CREB3L2: variants seen among roughly 807,000 people sequenced by gnomAD.
CREB3L2 encodes the protein cyclic AMP-responsive element-binding protein 3-like protein 2.
Under a neutral mutation model 57.2 loss-of-function variants are expected in CREB3L2, and 23 were observed. That is an observed-to-expected ratio of 0.40 (90% confidence interval 0.29 to 0.57). CREB3L2 has a LOEUF of 0.57. Ranked by LOEUF, CREB3L2 falls within the 20% of genes least tolerant of loss-of-function variation. The probability of loss-of-function intolerance (pLI) is 0.42; values close to 1 mark genes in which losing one functional copy is unlikely to be tolerated. For synonymous variants in CREB3L2, 268 were observed against 265.1 expected (o/e 1.01, Z -0.11); for missense variants, 628 against 634.7 (o/e 0.99, Z 0.11).
intron 2 of CREB3L2, among the ~76,000 whole-genome samples, chr7:137,927,274 A>AGG (rs1554498587): frequency 4.5e-5 from 6 of 133,036 alleles, no homozygotes; most frequent in South Asian, 2.3e-4. Context: ...AAAGGAAAGG[A>AGG]AAGGAGGAAG....
chr7:137,972,712 A>AATATATAT, intron 1 of CREB3L2, among the ~76,000 whole-genome samples: 1 of 34,118 alleles, frequency 2.9e-5, no homozygotes, highest in African/African-American at 1.4e-4. Flanking sequence ...AAAAAAAAAA[A>AATATATAT]ATATATATAT....
intron 1 of CREB3L2, among the ~76,000 whole-genome samples, chr7:137,971,625 T>C (rs1229692757): frequency 6.6e-6 from 1 of 151,498 alleles, no homozygotes; most frequent in Admixed American, 6.6e-5. Context: ...TTCCCCATTG[T>C]AAATAACCTT....
chr7:137,941,546 G>A (rs998253197), intron 1 of CREB3L2, among the ~76,000 whole-genome samples: 6 of 152,198 alleles, frequency 3.9e-5, no homozygotes, highest in African/African-American at 1.4e-4. Flanking sequence ...AGAGCTTTGA[G>A]GCCTGCTCAG....
In CREB3L2 at chr7:137,928,201, G is replaced by A. The variant is rs199993400; in HGVS notation, c.268C>T (p.Arg90Trp). The A allele has an allele frequency of 7.2e-5, 115 of 1,603,516 alleles. No homozygotes were observed. The highest frequency in any genetic ancestry group is 2.4e-4 in the Admixed American group (14 of 58,428). ...ATGTGGGTGAAGGGCGACTGGGCCC[G>A]AGGCTCCTCGCACAGGGAGTAGCTG... The part of the protein sequence containing the change: ...EHSYSLCEEP[R>W]AQSPFTHITT... The change falls in exon 2 of 12, where the codon CGG becomes TGG. Residue 90 changes from arginine (R) to tryptophan (W), a missense_variant. Transcript: ENST00000330387.
intron 7 of CREB3L2, among the ~76,000 whole-genome samples, chr7:137,902,929 CT>C (rs940202567): frequency 6.6e-6 from 1 of 152,088 alleles, no homozygotes; most frequent in Non-Finnish European, 1.5e-5. Flanking sequence ...TGATTCTCCC[CT>C]CTCAGCCTCC....
intron 1 of CREB3L2, among the ~76,000 whole-genome samples, chr7:137,972,707 A>AACAACAAC (rs1408337627): frequency 2.3e-5 from 1 of 44,202 alleles, no homozygotes; most frequent in African/African-American, 1.3e-4. Flanking sequence ...AAAAAAAAAA[A>AACAACAAC]AAAAAATATA....
rs1019539124 is a variant in CREB3L2, at chr7:137,892,123, C to A, written c.1044-6621G>T. Among the ~76,000 whole-genome samples the A allele has an allele frequency of 2.6e-5, 4 of 151,994 alleles. No homozygotes were observed. The East Asian group carries it at 7.7e-4, about 29-fold the overall frequency. On this transcript the variant is annotated intron_variant, in intron 8 of 11. Transcript: ENST00000330387. Reference sequence around the variant, plus strand: ...GTTTGTGAAATCAATTGGGTTGTGACTGATATATGTTTTTAATGAAATGGA... The same window carrying A: ...GTTTGTGAAATCAATTGGGTTGTGAATGATATATGTTTTTAATGAAATGGA...
intron 1 of CREB3L2, among the ~76,000 whole-genome samples, chr7:137,975,657 T>C (rs1439515167): frequency 6.6e-6 from 1 of 152,160 alleles, no homozygotes; most frequent in Non-Finnish European, 1.5e-5. Context: ...GCTCTCTGCG[T>C]CTTCCAGCAC....
At chr7:137,990,829 C>T (rs947250983) in intron 1 of CREB3L2, among the ~76,000 whole-genome samples, 4 of 152,154 alleles carry the variant, frequency 2.6e-5, no homozygotes, top group Admixed American at 1.3e-4. Context: ...ACTATTCAGA[C>T]ATTTCCAAGA....
intron 1 of CREB3L2, among the ~76,000 whole-genome samples, chr7:137,972,684 CAAAAAAAAAAAAAAA>C (rs58627909): frequency 7.2e-4 from 7 of 9,662 alleles, no homozygotes; most frequent in African/African-American, 1.4e-3. Flanking sequence ...CCCGTCTCTA[CAAAAAAAAAAAAAAA>C]AAAAAAAAAA....
rs1799825377 is a variant in CREB3L2, at chr7:137,903,971, C to T, written c.962G>A (p.Ser321Asn). ...CCAGCAGGCTTACTTTTTCTCCAGGCTGTCCATGTATTCTTTCTTCTTTCT... is the reference window on the plus strand; with the variant it reads ...CCAGCAGGCTTACTTTTTCTCCAGGTTGTCCATGTATTCTTTCTTCTTTCT... ...SRRKKKEYMDSLEKKVESCST... is the reference protein window; with the variant it reads ...SRRKKKEYMDNLEKKVESCST... Residue 321 changes from serine (S) to asparagine (N), a missense_variant, in exon 7 of 12, where the codon AGC (serine) becomes AAC (asparagine). This residue lies in a region of CREB3L2 where 272 missense variants were observed against 242.7 expected (regional missense o/e 1.12). Transcript: ENST00000330387. The T allele has an allele frequency of 1.2e-6, 2 of 1,613,864 alleles. No individual in the cohort carries two copies. Among genetic ancestry groups the T allele is most frequent in the South Asian group, 1.1e-5 (1 of 91,070 alleles).
chr7:137,965,047 C>T (rs1040498779), intron 1 of CREB3L2, among the ~76,000 whole-genome samples: 1 of 152,058 alleles, frequency 6.6e-6, no homozygotes, highest in African/African-American at 2.4e-5. Flanking sequence ...TTATCAGCAG[C>T]GTAAGAACAG....
At chr7:137,946,029 C>G (rs273996) in intron 1 of CREB3L2, among the ~76,000 whole-genome samples, 58,234 of 152,028 alleles carry the variant, frequency 0.38, 13,774 homozygotes, top group East Asian at 0.78. Flanking sequence ...AAATTATAGT[C>G]TGTTAAATCC....
intron 1 of CREB3L2, among the ~76,000 whole-genome samples, chr7:137,962,272 A>C (rs1224048484): frequency 6.6e-6 from 1 of 152,148 alleles, no homozygotes; most frequent in African/African-American, 2.4e-5. Flanking sequence ...CTAGATGGCC[A>C]TGGCTCTGAC....
intron 1 of CREB3L2, chr7:137,956,602 A>T: frequency 7.8e-7 from 1 of 1,289,024 alleles, no homozygotes; most frequent in South Asian, 1.2e-5. Flanking sequence ...AATCCTTCAC[A>T]CGGACAGCCA....
intron 1 of CREB3L2, among the ~76,000 whole-genome samples, chr7:137,994,688 G>A (rs982859725): frequency 1.3e-5 from 2 of 152,148 alleles, no homozygotes; most frequent in Non-Finnish European, 2.9e-5. Flanking sequence ...GCTCATGCCT[G>A]TAATCCTAGC....
At chr7:137,979,143 G>A (rs1396587328) in intron 1 of CREB3L2, among the ~76,000 whole-genome samples, 1 of 152,226 alleles carries the variant, frequency 6.6e-6, no homozygotes, top group Non-Finnish European at 1.5e-5. Flanking sequence ...GCTCAGTAGG[G>A]GAAAGATCTG....
intron 8 of CREB3L2, among the ~76,000 whole-genome samples, chr7:137,897,895 C>T (rs1227392463): frequency 1.3e-5 from 2 of 151,874 alleles, no homozygotes; most frequent in Non-Finnish European, 2.9e-5. Flanking sequence ...TAAGTCGAAA[C>T]GTATGATAAA....
intron 2 of CREB3L2, among the ~76,000 whole-genome samples, chr7:137,917,369 C>T (rs1455848823): frequency 6.6e-6 from 1 of 152,202 alleles, no homozygotes; most frequent in Non-Finnish European, 1.5e-5. Flanking sequence ...GAAACAGCCA[C>T]AGAACAAGAC....
Sources: gnomAD v4.1 joint callset for allele counts (sites outside exome capture counted in the v4.1 genomes callset) on GRCh38, gnomAD v4.1.1 for gene constraint, gnomAD v4.1.1 regional missense constraint, MANE v1.5 for transcripts, NCBI Gene and HGNC (gene_info 2026-07-23, HGNC 2026-07-21) for gene names.